Variants in C6orf132 observed in about 807,000 individuals in gnomAD.
The protein encoded by C6orf132 is uncharacterized protein C6orf132.
A neutral mutation model predicts 65.3 loss-of-function variants in C6orf132; 43 were observed. The observed-to-expected ratio is 0.66, with a 90% CI of 0.52 to 0.85. The LOEUF (loss-of-function observed/expected upper bound fraction) is 0.85, where lower values mean the gene tolerates loss of function less well. Among genes scored for constraint, C6orf132 ranks in the 40% least tolerant of loss-of-function variants. C6orf132 has a pLI of 0.00. For missense variants in C6orf132, 1,488 were observed against 1,548.8 expected (o/e 0.96, Z 0.66); for synonymous variants, 631 against 654.1 (o/e 0.96, Z 0.54).
chr6:42,121,819 G>A (rs1279446874), intron 2 of C6orf132, among the ~76,000 whole-genome samples: 1 of 152,192 alleles, frequency 6.6e-6, no homozygotes, highest in African/African-American at 2.4e-5. Flanking sequence ...ATGGTTGGGG[G>A]CACCACTGCA....
rs1766314567 is a variant in C6orf132 at position 42,102,781 on chromosome 6, C to G, written c.*980G>C. 6.9e-6 allele frequency: 2 copies of G among 288,596 alleles called. No individual in the cohort carries two copies. Among genetic ancestry groups the G allele is most frequent in the African/African-American group, 2.2e-5 (1 of 46,218 alleles). 17.9% of individuals were successfully genotyped at this position (288,596 alleles called of 1,614,324 possible). On this transcript the variant is annotated 3_prime_UTR_variant, in exon 5 of 5. Coordinates refer to ENST00000341865, the MANE Select transcript of C6orf132 (RefSeq NM_001164446.3). ...GCAAGCTTCTTCAGACCTCCATTCC[C>G]ATCTCTGCTGCCTCCACTCTCCAAG...
chr6:42,109,944 G>A (rs1263386877), intron 3 of C6orf132, among the ~76,000 whole-genome samples: 2 of 152,192 alleles, frequency 1.3e-5, no homozygotes, highest in Non-Finnish European at 2.9e-5. Flanking sequence ...TCCACTTTAT[G>A]CTGCACTTGT....
intron 2 of C6orf132, among the ~76,000 whole-genome samples, chr6:42,125,307 C>T (rs769173513): frequency 2.8e-4 from 43 of 152,322 alleles, no homozygotes; most frequent in Non-Finnish European, 5.0e-4. Flanking sequence ...AAGCAAGTTA[C>T]GCCACCCTGT....
chr6:42,137,940 G>A (rs1562043426), intron 1 of C6orf132, among the ~76,000 whole-genome samples: 1 of 152,184 alleles, frequency 6.6e-6, no homozygotes, highest in Non-Finnish European at 1.5e-5. Flanking sequence ...CATGTGTGGT[G>A]GCGCAGGCCG....
At chr6:42,130,555 C>G (rs984709613) in intron 1 of C6orf132, among the ~76,000 whole-genome samples, 2 of 152,048 alleles carry the variant, frequency 1.3e-5, no homozygotes, top group South Asian at 2.1e-4. Context: ...AGGGACTGCA[C>G]GACAGCCACG....
intron 1 of C6orf132, among the ~76,000 whole-genome samples, chr6:42,130,752 A>C (rs902323553): frequency 2.6e-5 from 4 of 152,018 alleles, no homozygotes; most frequent in Non-Finnish European, 5.9e-5. Context: ...AAAAGGTAAA[A>C]ACTTACTGAG....
At chr6:42,122,900 C>T (rs1766708963) in intron 2 of C6orf132, among the ~76,000 whole-genome samples, 1 of 152,170 alleles carries the variant, frequency 6.6e-6, no homozygotes, top group South Asian at 2.1e-4. Flanking sequence ...AGGCAGCTCT[C>T]ACCGCCCAGG....
At position 42,106,620 on chromosome 6, in the gene C6orf132, G is replaced by A. The variant is rs1295975282; in HGVS notation, c.1292C>T (p.Thr431Ile). The A allele has an allele frequency of 1.1e-5, 17 of 1,533,588 alleles. No individual in the cohort carries two copies. In the East Asian group the frequency reaches 3.2e-4, roughly 29 times the overall value. 95.0% of individuals were successfully genotyped at this position (1,533,588 alleles called of 1,614,324 possible). A position where few individuals can be genotyped will look rare whatever the true frequency, so the allele number is the denominator to read the frequency against. ...QKAAHPPAGF[T>I]KTPKSSSPAL... Reference sequence around the variant, plus strand: ...AGGAGAGCTGGATTTAGGGGTTTTTGTAAACCCAGCAGGTGGATGGGCTGC... The same window carrying A: ...AGGAGAGCTGGATTTAGGGGTTTTTATAAACCCAGCAGGTGGATGGGCTGC... Residue 431 changes from threonine (T) to isoleucine (I), a missense_variant, in exon 4 of 5, where the codon ACA becomes ATA. Transcript: ENST00000341865.
In C6orf132 at chr6:42,104,451, C is replaced by G. The variant is rs1019930989; in HGVS notation, c.3449+12G>C. The stretch of plus-strand genomic sequence containing the variant: ...CTCCTGGCTTCCCGCACCAGCCGGG[C>G]CCGCAGCTCACCTGCCGGCAGCTGG... On this transcript the variant is annotated intron_variant, in intron 4 of 4. Coordinates refer to ENST00000341865, the MANE Select transcript of C6orf132 (RefSeq NM_001164446.3). This position sits in a 1 kb window ranked among gnomAD's most constrained non-coding sequence, Gnocchi z 4.1. 18 of 1,230,488 alleles carry G rather than the reference C, an allele frequency of 1.5e-5. No individual in the cohort carries two copies. The highest frequency in any genetic ancestry group is 8.5e-5 in the Admixed American group (2 of 23,626). The allele number at this position is 1,230,488 out of a possible 1,614,324, so 76.2% of individuals were successfully genotyped here.
rs879503579 is a variant in C6orf132 at position 42,104,372 on chromosome 6, G to A, written c.3449+91C>T. 2.5e-6 allele frequency: 3 copies of A among 1,224,314 alleles called. No homozygotes were observed. Among genetic ancestry groups the A allele is most frequent in the African/African-American group, 1.6e-5 (1 of 64,086 alleles). 75.8% of individuals were successfully genotyped at this position (1,224,314 alleles called of 1,614,324 possible). ...CAAGGCCGAAGGGAGAAAACCAAAT[G>A]TTTTCTCTTGACGGATGGCCGGGAC... On this transcript the variant is annotated intron_variant, in intron 4 of 4. Coordinates refer to ENST00000341865, the MANE Select transcript of C6orf132 (RefSeq NM_001164446.3). This position sits in a 1 kb window ranked among gnomAD's most constrained non-coding sequence, Gnocchi z 4.1.
chr6:42,103,507 C>G lies in C6orf132; in HGVS notation c.*254G>C, dbSNP rs1440707954. 2.6e-6 allele frequency: 1 copy of G among 390,658 alleles called. No individual in the cohort carries two copies. Among genetic ancestry groups the G allele is most frequent in the African/African-American group, 2.1e-5 (1 of 48,490 alleles). The allele number at this position is 390,658 out of a possible 1,614,324, so 24.2% of individuals were successfully genotyped here. On this transcript the variant is annotated 3_prime_UTR_variant, in exon 5 of 5. Transcript: ENST00000341865. ...GCCCAGGTCCTTAATGGTTCCTTCT[C>G]TCTACCCTCCTTCCCCTCCCACCCC... is the stretch of plus-strand genomic sequence containing the variant.
intron 3 of C6orf132, 117 bp from the exon 4 acceptor site, chr6:42,107,700 T>C: frequency 1.6e-6 from 2 of 1,235,172 alleles, no homozygotes; most frequent in Non-Finnish European, 2.3e-6. Flanking sequence ...TGGATCATTT[T>C]CTCCTGAACA....
intron 1 of C6orf132, among the ~76,000 whole-genome samples, chr6:42,138,039 C>T (rs569952421): frequency 2.4e-4 from 36 of 152,232 alleles, no homozygotes; most frequent in African/African-American, 7.2e-4. Flanking sequence ...AGCCTGGCAA[C>T]GGATCGAGAC....
chr6:42,135,466 G>T (rs767457485), intron 1 of C6orf132, among the ~76,000 whole-genome samples: 7 of 152,190 alleles, frequency 4.6e-5, no homozygotes, highest in Non-Finnish European at 8.8e-5. Context: ...GCTGCCACAG[G>T]ACGCCCAGCC....
chr6:42,128,165 A>T (rs1427085948), intron 2 of C6orf132, among the ~76,000 whole-genome samples: 3 of 142,986 alleles, frequency 2.1e-5, no homozygotes, highest in African/African-American at 7.6e-5. Context: ...TGACCTCATG[A>T]TCTGCCCCCT....
rs867141694 is a variant in C6orf132, at chr6:42,119,078, A to G, written c.253-8787T>C. Among the ~76,000 whole-genome samples the G allele has an allele frequency of 4.7e-4, 69 of 147,322 alleles. 1 individual carries two copies. In the Middle Eastern group the frequency reaches 0.01, roughly 22 times the overall value. ...AACCCTGTCTCTACAAAAAAAAAAA[A>G]AAAAAAGAAAAAAAAAATAGGCAGG... On this transcript the variant is annotated intron_variant, in intron 2 of 4. Transcript: ENST00000341865.
chr6:42,128,823 G>A (rs1478624921), intron 1 of C6orf132, 45 bp from the exon 2 acceptor site: 1 of 1,431,206 alleles, frequency 7.0e-7, no homozygotes, highest in Admixed American at 2.0e-5. Context: ...GAGATCCAAG[G>A]CATCCGGCCA....
intron 2 of C6orf132, among the ~76,000 whole-genome samples, chr6:42,116,105 T>C: frequency 6.6e-6 from 1 of 151,878 alleles, no homozygotes; most frequent in Non-Finnish European, 1.5e-5. Flanking sequence ...AATTTTTGTA[T>C]TTTTGGTGGA....
chr6:42,104,713 A>T lies in C6orf132; in HGVS notation c.3199T>A (p.Tyr1067Asn), dbSNP rs1034135458. The change falls in exon 4 of 5, where the codon TAC becomes AAC. Residue 1067 changes from tyrosine (Y) to asparagine (N), a missense_variant. Coordinates refer to ENST00000341865, the MANE Select transcript of C6orf132 (RefSeq NM_001164446.3). The surrounding 1 kb of genome is among the most constrained non-coding windows in gnomAD (Gnocchi z 4.1). Reference protein sequence around the residue: ...GGRSLIKKRLYVGEPHRGPGL... With the variant: ...GGRSLIKKRLNVGEPHRGPGL... ...GGGCCTCGGTGCGGCTCCCCGACGT[A>T]CAGGCGCTTCTTTATGAGCGAGCGG... The T allele has an allele frequency of 2.0e-6, 3 of 1,522,922 alleles. No individual in the cohort carries two copies. The highest frequency in any genetic ancestry group is 2.6e-6 in the Non-Finnish European group (3 of 1,141,424). The allele number at this position is 1,522,922 out of a possible 1,614,324, so 94.3% of individuals were successfully genotyped here. A position where few individuals can be genotyped will look rare whatever the true frequency, so the allele number is the denominator to read the frequency against.
Sources: gnomAD v4.1 joint callset for allele counts (sites outside exome capture counted in the v4.1 genomes callset) on GRCh38, gnomAD v4.1.1 for gene constraint, Gnocchi (gnomAD v3.1) non-coding constraint, MANE v1.5 for transcripts, NCBI Gene and HGNC (gene_info 2026-07-23, HGNC 2026-07-21) for gene names.